CELF2: variants seen among roughly 807,000 people sequenced by gnomAD.
CELF2 encodes the protein CUGBP Elav-like family member 2, also known as CUG triplet repeat RNA-binding protein 2.
A neutral mutation model predicts 62.6 loss-of-function variants in CELF2; 8 were observed. The observed-to-expected ratio is 0.13, with a 90% CI of 0.07 to 0.23. The LOEUF (loss-of-function observed/expected upper bound fraction) is 0.23, where lower values mean the gene tolerates loss of function less well. Among genes scored for constraint, CELF2 ranks in the 10% least tolerant of loss-of-function variants. CELF2 has a pLI of 1.00. For synonymous variants in CELF2, 258 were observed against 250.0 expected, an observed-to-expected ratio of 1.03 and a Z score of -0.30; for missense variants, 333 against 671.0, an observed-to-expected ratio of 0.50 and a Z score of 5.56.
intron 1 of CELF2, among the ~76,000 whole-genome samples, chr10:10,884,378 T>C (rs1178350284): frequency 6.6e-6 from 1 of 152,190 alleles, no homozygotes; most frequent in Non-Finnish European, 1.5e-5. Context: ...GTGTGATGTT[T>C]CCCACCCCAA....
rs569912197 is a variant in CELF2 at position 11,296,141 on chromosome 10, G to C, written c.976+7589G>C. On this transcript the variant is annotated intron_variant, in intron 9 of 12. Transcript: ENST00000633077. This position sits in a 1 kb window ranked among gnomAD's most constrained non-coding sequence, Gnocchi z 5.0. ...TCATCCCCGGGATGGACAGATCCTCGCGTGCATCTTAGGGCTGCCACTCAC... is the reference window on the plus strand; with the variant it reads ...TCATCCCCGGGATGGACAGATCCTCCCGTGCATCTTAGGGCTGCCACTCAC... Among the ~76,000 whole-genome samples, 1 of 152,284 alleles carries C rather than the reference G, an allele frequency of 6.6e-6. No homozygotes were observed. Among genetic ancestry groups the C allele is most frequent in the Non-Finnish European group, 1.5e-5 (1 of 68,014 alleles).
In CELF2 at chr10:11,157,885, C is replaced by T. The variant is rs1433322450; in HGVS notation, c.75-7601C>T. Among the ~76,000 whole-genome samples the T allele has an allele frequency of 6.6e-5, 10 of 152,212 alleles. No homozygotes were observed. On this transcript the variant is annotated intron_variant, in intron 1 of 12. Coordinates refer to ENST00000633077, the MANE Select transcript of CELF2 (RefSeq NM_001326342.2). This position sits in a 1 kb window ranked among gnomAD's most constrained non-coding sequence, Gnocchi z 4.9. Reference sequence around the variant, plus strand: ...CAGTGGTGAAAACAGAAGTTACCTGCCTTGAGAAGCACAGTCACCACAACC... The same window carrying T: ...CAGTGGTGAAAACAGAAGTTACCTGTCTTGAGAAGCACAGTCACCACAACC...
intron 2 of CELF2, among the ~76,000 whole-genome samples, chr10:11,189,112 T>A (rs994927536): frequency 6.6e-6 from 1 of 152,172 alleles, no homozygotes; most frequent in Non-Finnish European, 1.5e-5. Context: ...CTCCTAGTCC[T>A]CTACCCAAGA....
intron 1 of CELF2, among the ~76,000 whole-genome samples, chr10:11,080,619 C>G (rs564051538): frequency 6.6e-6 from 1 of 152,242 alleles, no homozygotes; most frequent in Non-Finnish European, 1.5e-5. Context: ...CTATCAGACA[C>G]TCATTCTGTG....
chr10:11,062,753 A>G (rs1202405224), intron 1 of CELF2, among the ~76,000 whole-genome samples: 1 of 152,260 alleles, frequency 6.6e-6, no homozygotes, highest in Non-Finnish European at 1.5e-5. Context: ...ATAATATTCC[A>G]TAAACTTTGT....
chr10:10,977,428 C>G (rs1478419052), intron 2 of CELF2, among the ~76,000 whole-genome samples: 1 of 152,172 alleles, frequency 6.6e-6, no homozygotes, highest in African/African-American at 2.4e-5. Context: ...CTGGCAGGTT[C>G]ATATGCAACC....
the CELF2 span, among the ~76,000 whole-genome samples, chr10:10,733,589 T>C: frequency 6.8e-6 from 1 of 147,460 alleles, no homozygotes; most frequent in South Asian, 2.3e-4. Context: ...AGAGGTTTAA[T>C]GGACTCATAG....
At chr10:11,204,783 CTCCTCCCCG>C (rs921092475) in intron 2 of CELF2, among the ~76,000 whole-genome samples, 1 of 152,248 alleles carries the variant, frequency 6.6e-6, no homozygotes, top group Admixed American at 6.5e-5. Flanking sequence ...CGGACATCTC[CTCCTCCCCG>C]TCCTCATCGC....
At chr10:10,856,488 G>A (rs2059717509) in intron 1 of CELF2, among the ~76,000 whole-genome samples, 1 of 152,168 alleles carries the variant, frequency 6.6e-6, no homozygotes, top group Admixed American at 6.6e-5. Context: ...TTGGCTAAAG[G>A]TAAGGAACAA....
At chr10:10,792,239 A>G in the CELF2 span, 1 of 395,884 alleles carries the variant, frequency 2.5e-6, no homozygotes, top group Admixed American at 4.4e-5. Context: ...TGCAGTGGTT[A>G]CCACCTTGAA....
the CELF2 span, among the ~76,000 whole-genome samples, chr10:10,509,273 A>G: frequency 6.6e-6 from 1 of 152,094 alleles, no homozygotes; most frequent in African/African-American, 2.4e-5. Flanking sequence ...CCTGCTTGTG[A>G]TGTTGATAGA....
At chr10:10,909,331 A>G (rs2063609829) in intron 1 of CELF2, among the ~76,000 whole-genome samples, 1 of 152,178 alleles carries the variant, frequency 6.6e-6, no homozygotes, top group Non-Finnish European at 1.5e-5. Flanking sequence ...CAGAACCTTC[A>G]TAGTACCTGG....
chr10:11,254,786 T>C lies in CELF2; in HGVS notation c.404-2952T>C, dbSNP rs77207257. 4.0e-3 allele frequency among the ~76,000 whole-genome samples: 614 copies of C among 152,338 alleles called. 16 individuals are homozygous for C. In the East Asian group the frequency reaches 0.061, roughly 15 times the overall value. On this transcript the variant is annotated intron_variant, in intron 4 of 12. Transcript: ENST00000633077. ...CACAACAGGAATTTTATTTTTACTC[T>C]CATAAAAATGCCAGCCATAGTTTGC...
At chr10:11,183,703 A>G (rs2074099549) in intron 2 of CELF2, among the ~76,000 whole-genome samples, 1 of 152,210 alleles carries the variant, frequency 6.6e-6, no homozygotes, top group Non-Finnish European at 1.5e-5. Flanking sequence ...AACGATGCTG[A>G]GCATCTTTTG....
At chr10:10,669,733 C>G in the CELF2 span, among the ~76,000 whole-genome samples, 1 of 152,140 alleles carries the variant, frequency 6.6e-6, no homozygotes, top group Non-Finnish European at 1.5e-5. Flanking sequence ...TGCTAACGCT[C>G]CCTCTTCATG....
In CELF2 at chr10:10,846,484, A is replaced by G. The variant is rs907759684; in HGVS notation, c.53+47667A>G. Among the ~76,000 whole-genome samples, 3 of 152,218 alleles carry G rather than the reference A, an allele frequency of 2.0e-5. No individual in the cohort carries two copies. The South Asian group carries it at 6.2e-4, about 32-fold the overall frequency. ...ATAACTTTCAAAAAAAAATCCCAGA[A>G]GAGTCTATGTATGTGATCCTTTCCC... On this transcript the variant is annotated intron_variant, in intron 1 of 13. Coordinates refer to the CELF2 transcript ENST00000636488.
the CELF2 span, among the ~76,000 whole-genome samples, chr10:10,724,843 G>C: frequency 1.2e-4 from 19 of 152,006 alleles, no homozygotes; most frequent in Admixed American, 5.2e-4. Context: ...GCTCAAAAAG[G>C]CTTTGTGGAA....
the CELF2 span, among the ~76,000 whole-genome samples, chr10:10,641,474 C>A: frequency 6.6e-6 from 1 of 151,760 alleles, no homozygotes; most frequent in Non-Finnish European, 1.5e-5. Flanking sequence ...AAGTTTTGTT[C>A]TTCTTGTCCA....
chr10:11,048,307 G>A (rs1342852826), intron 1 of CELF2, among the ~76,000 whole-genome samples: 1 of 152,148 alleles, frequency 6.6e-6, no homozygotes, highest in Admixed American at 6.5e-5. Flanking sequence ...TTTGCATTTA[G>A]GCTCTTGCCT....
Sources: allele counts gnomAD v4.1 joint callset (sites outside exome capture counted in the v4.1 genomes callset), GRCh38; gene constraint gnomAD v4.1.1; non-coding constraint Gnocchi (gnomAD v3.1); transcripts MANE v1.5; gene names NCBI Gene and HGNC (gene_info 2026-07-23, HGNC 2026-07-21).